Variants in CDKL1 observed in about 807,000 individuals in gnomAD.
The protein encoded by CDKL1 is cyclin dependent kinase like 1, also known as cyclin-dependent kinase-like 1.
In CDKL1, 41 loss-of-function variants were observed where a neutral mutation model predicts 42.0. The ratio of observed to expected loss-of-function variants is 0.98; its 90% CI spans 0.76 to 1.27. The LOEUF (loss-of-function observed/expected upper bound fraction) is 1.27. Among genes scored for constraint, CDKL1 ranks in the 50% most tolerant of loss-of-function variants. The pLI, the probability that CDKL1 is intolerant of heterozygous loss-of-function variation, is 0.00. For synonymous variants in CDKL1, 153 were observed against 158.6 expected, an observed-to-expected ratio of 0.96 and a Z score of 0.26; for missense variants, 394 against 428.4, an observed-to-expected ratio of 0.92 and a Z score of 0.71.
In CDKL1 at chr14:50,329,822, C is replaced by T. The variant is rs558912178; in HGVS notation, c.*252G>A. 9.1e-5 allele frequency: 38 copies of T among 417,832 alleles called. No individual in the cohort carries two copies. The highest frequency in any genetic ancestry group is 5.9e-4 in the South Asian group (25 of 42,022). 25.9% of individuals were successfully genotyped at this position (417,832 alleles called of 1,614,324 possible). On this transcript the variant is annotated 3_prime_UTR_variant, in exon 10 of 10. Transcript: ENST00000395834. Reference sequence around the variant, plus strand: ...ACAGTTCATATTCTGTCCATAAGTTCGGCTACTTACATAAACTGAAATACA... The same window carrying T: ...ACAGTTCATATTCTGTCCATAAGTTTGGCTACTTACATAAACTGAAATACA...
intron 2 of CDKL1, among the ~76,000 whole-genome samples, chr14:50,394,920 TA>T (rs899169539): frequency 7.2e-5 from 11 of 152,280 alleles, no homozygotes; most frequent in African/African-American, 2.6e-4. Context: ...AAGGATCACT[TA>T]AGGCCAGGAA....
intron 2 of CDKL1, among the ~76,000 whole-genome samples, chr14:50,365,109 A>T (rs1437751595): frequency 2.6e-5 from 4 of 152,218 alleles, no homozygotes; most frequent in Non-Finnish European, 5.9e-5. Flanking sequence ...ACTGGGCACC[A>T]TCTAGAGCCC....
intron 1 of CDKL1, 146 bp from the exon 2 acceptor site, chr14:50,396,475 C>G (rs867480231): frequency 1.0e-6 from 1 of 983,732 alleles, no homozygotes; most frequent in Non-Finnish European, 1.2e-6. Flanking sequence ...TAAAATGTAA[C>G]TTGCCATCCT....
At chr14:50,362,929 C>G (rs760148854) in intron 2 of CDKL1, 1 of 461,284 alleles carries the variant, frequency 2.2e-6, no homozygotes, top group South Asian at 1.6e-5. Context: ...TGTTCTTTCA[C>G]TCTTTGCAAT....
chr14:50,348,541 G>GTCTAGT (rs1566584123), intron 3 of CDKL1, among the ~76,000 whole-genome samples: 1 of 151,960 alleles, frequency 6.6e-6, no homozygotes, highest in African/African-American at 2.4e-5. Context: ...CTAGACTCTG[G>GTCTAGT]GAAACCCGGC....
At chr14:50,340,455 T>G (rs10138451) in intron 6 of CDKL1, among the ~76,000 whole-genome samples, 1 of 149,774 alleles carries the variant, frequency 6.7e-6, no homozygotes, top group Admixed American at 6.6e-5. Flanking sequence ...TACTGATGGG[T>G]TTTTTTTTCT....
chr14:50,383,371 G>A (rs1231711219), intron 2 of CDKL1, among the ~76,000 whole-genome samples: 2 of 151,998 alleles, frequency 1.3e-5, no homozygotes, highest in African/African-American at 2.4e-5. Flanking sequence ...CCAATATGGT[G>A]AAACCCTACC....
At chr14:50,374,135 A>G (rs539821878) in intron 2 of CDKL1, among the ~76,000 whole-genome samples, 34 of 152,360 alleles carry the variant, frequency 2.2e-4, no homozygotes, top group Middle Eastern at 6.8e-3. Flanking sequence ...TATAAAGTTT[A>G]AATGCATATT....
intron 8 of CDKL1, chr14:50,332,981 G>C (rs2033049571): frequency 3.8e-6 from 1 of 264,560 alleles, no homozygotes. Context: ...ATGTATATAA[G>C]GAGAGGCATA....
intron 2 of CDKL1, chr14:50,362,908 T>C (rs1049395961): frequency 3.8e-5 from 17 of 448,580 alleles, no homozygotes; most frequent in South Asian, 1.4e-4. Context: ...CCATTCACAC[T>C]GTGGAAGCTT....
chr14:50,368,603 T>A (rs914122687), intron 2 of CDKL1, among the ~76,000 whole-genome samples: 1 of 152,150 alleles, frequency 6.6e-6, no homozygotes, highest in African/African-American at 2.4e-5. Flanking sequence ...CATATTATGT[T>A]GCCAAGTCAA....
At chr14:50,339,665 A>G (rs1269229978) in intron 6 of CDKL1, among the ~76,000 whole-genome samples, 1 of 152,188 alleles carries the variant, frequency 6.6e-6, no homozygotes, top group Non-Finnish European at 1.5e-5. Context: ...ATCCCATTTC[A>G]TCTACTGTTT....
intron 3 of CDKL1, among the ~76,000 whole-genome samples, chr14:50,353,765 G>T (rs1295031017): frequency 6.6e-6 from 1 of 151,984 alleles, no homozygotes; most frequent in Non-Finnish European, 1.5e-5. Flanking sequence ...GTGTGGTTGG[G>T]CACACCTGTA....
chr14:50,361,699 G>C (rs1455725607), intron 2 of CDKL1, among the ~76,000 whole-genome samples: 1 of 152,218 alleles, frequency 6.6e-6, no homozygotes, highest in African/African-American at 2.4e-5. Flanking sequence ...GTTGCACTGG[G>C]GGTGAAGTTT....
intron 6 of CDKL1, among the ~76,000 whole-genome samples, chr14:50,339,535 A>AGGGAGGGGAG (rs537105380): frequency 7.2e-5 from 1 of 13,806 alleles, no homozygotes; most frequent in Non-Finnish European, 1.4e-4. Context: ...AGAGGGAGGG[A>AGGGAGGGGAG]GGGAGGGGAG....
At chr14:50,382,511 G>T (rs1446191428) in intron 2 of CDKL1, among the ~76,000 whole-genome samples, 2 of 151,800 alleles carry the variant, frequency 1.3e-5, no homozygotes, top group Non-Finnish European at 1.5e-5. Context: ...GCCCCTTTAA[G>T]AATGTTTCCA....
intron 2 of CDKL1, among the ~76,000 whole-genome samples, chr14:50,379,442 C>G (rs2034839023): frequency 1.3e-5 from 2 of 152,118 alleles, no homozygotes; most frequent in Middle Eastern, 6.3e-3. Context: ...GTGGGGTAGA[C>G]AGGCTTGTCC....
At position 50,340,257 on chromosome 14, in the gene CDKL1, G is replaced by A. The variant is rs80074457; in HGVS notation, c.655+775C>T. Reference sequence around the variant, plus strand: ...TACAATGTGCAGACACTGGTGGAGGGTAAGTAGAAATATAAGACGTGGTCT... The same window carrying A: ...TACAATGTGCAGACACTGGTGGAGGATAAGTAGAAATATAAGACGTGGTCT... On this transcript the variant is annotated intron_variant, in intron 6 of 9. Coordinates refer to ENST00000395834, the MANE Select transcript of CDKL1 (RefSeq NM_004196.7). Among the ~76,000 whole-genome samples the A allele has an allele frequency of 5.1e-4, 78 of 152,312 alleles. No individual in the cohort carries two copies. In the East Asian group the frequency reaches 0.014, roughly 28 times the overall value.
At chr14:50,330,876 A>G (rs888283957) in intron 9 of CDKL1, 13 of 152,256 alleles carry the variant, frequency 8.5e-5, no homozygotes, top group African/African-American at 3.1e-4. Flanking sequence ...AAAATTTTTC[A>G]GCCATTGTCC....
Sources: gnomAD v4.1 joint callset for allele counts (sites outside exome capture counted in the v4.1 genomes callset) on GRCh38, gnomAD v4.1.1 for gene constraint, MANE v1.5 for transcripts, NCBI Gene and HGNC (gene_info 2026-07-23, HGNC 2026-07-21) for gene names.